ZFYVE9: variants seen among roughly 807,000 people sequenced by gnomAD.
ZFYVE9 encodes zinc finger FYVE domain-containing protein 9.
In ZFYVE9, 43 loss-of-function variants were observed where a neutral mutation model predicts 126.7. That is an observed-to-expected ratio of 0.34 (90% confidence interval 0.27 to 0.44). ZFYVE9 has a LOEUF of 0.44. ZFYVE9 is among the 20% of genes least tolerant of loss of function. The pLI, the probability that ZFYVE9 is intolerant of heterozygous loss-of-function variation, is 1.00. For missense variants in ZFYVE9, 1,476 were observed against 1,697.0 expected (o/e 0.87, Z 2.29); for synonymous variants, 521 against 597.4 (o/e 0.87, Z 1.87).
intron 9 of ZFYVE9, among the ~76,000 whole-genome samples, chr1:52,281,176 AGGCTGGAGTGCAGT>A (rs1286082590): frequency 7.3e-6 from 1 of 137,180 alleles, no homozygotes; most frequent in Admixed American, 8.0e-5. Flanking sequence ...TCTTTCGCCT[AGGCTGGAGTGCAGT>A]GGCTCGATCT....
At chr1:52,180,330 A>G (rs1644685738) in intron 1 of ZFYVE9, 1 of 1,574,082 alleles carries the variant, frequency 6.4e-7, no homozygotes, top group East Asian at 2.2e-5. Flanking sequence ...TCTGCCCATG[A>G]TATTTGTTTA....
chr1:52,268,613 C>T lies in ZFYVE9; in HGVS notation c.2606C>T (p.Thr869Ile), dbSNP rs762620317. The change falls in exon 7 of 19, where the codon ACC (threonine) becomes ATC (isoleucine). Residue 869 changes from threonine (T) to isoleucine (I), a missense_variant. Thr to Ile is a moderately conservative substitution (Grantham distance 89). Around this residue, in one of 2 missense-constraint regions of ZFYVE9, gnomAD observed 669 missense variants for 902.4 expected, o/e 0.74. Coordinates refer to ENST00000287727, the MANE Select transcript of ZFYVE9 (RefSeq NM_004799.4). ...VSHDPVKPVT[T>I]SPLPAETDIC... ...CACGACCCAGTCAAGCCAGTAACTA[C>T]CAGTCCTCTACCAGCAGAGGTAAGA... 1.2e-6 allele frequency: 2 copies of T among 1,614,112 alleles called. No homozygotes were observed. Among genetic ancestry groups the T allele is most frequent in the South Asian group, 1.1e-5 (1 of 91,044 alleles).
At chr1:52,306,351 G>A (rs964770902) in intron 13 of ZFYVE9, among the ~76,000 whole-genome samples, 4 of 152,142 alleles carry the variant, frequency 2.6e-5, no homozygotes, top group African/African-American at 4.8e-5. Context: ...GAGAGGAGCT[G>A]CTCACTCCAG....
intron 1 of ZFYVE9, among the ~76,000 whole-genome samples, chr1:52,156,003 G>A (rs777636955): frequency 1.3e-5 from 2 of 152,128 alleles, no homozygotes; most frequent in African/African-American, 2.4e-5. Flanking sequence ...CAGTATGCTA[G>A]CCACCTCTTG....
chr1:52,293,792 A>T (rs761680443), intron 11 of ZFYVE9, 115 bp downstream of exon 11: 11 of 1,064,116 alleles, frequency 1.0e-5, no homozygotes, highest in Non-Finnish European at 1.5e-5. Flanking sequence ...AAATAGCTAA[A>T]CTAAATTTGG....
At chr1:52,154,334 C>T (rs1644382568) in intron 1 of ZFYVE9, among the ~76,000 whole-genome samples, 2 of 152,176 alleles carry the variant, frequency 1.3e-5, no homozygotes, top group Non-Finnish European at 2.9e-5. Flanking sequence ...TATATGGGGG[C>T]TTGGTGTTGG....
chr1:52,253,510 C>A (rs948773566), intron 4 of ZFYVE9: 4 of 645,964 alleles, frequency 6.2e-6, no homozygotes, highest in Non-Finnish European at 1.1e-5. Context: ...AAAAGCCACA[C>A]GTGGGTCGCT....
chr1:52,284,200 A>C (rs1279831157), intron 10 of ZFYVE9, among the ~76,000 whole-genome samples: 1 of 152,192 alleles, frequency 6.6e-6, no homozygotes, highest in Non-Finnish European at 1.5e-5. Context: ...ATGAAACATG[A>C]AAATGGCAGA....
At chr1:52,145,308 T>C (rs1644296625) in intron 1 of ZFYVE9, among the ~76,000 whole-genome samples, 1 of 152,250 alleles carries the variant, frequency 6.6e-6, no homozygotes, top group African/African-American at 2.4e-5. Flanking sequence ...AAGCTACCAC[T>C]GTTCATTCCA....
At chr1:52,316,257 G>A (rs1209749465) in intron 13 of ZFYVE9, among the ~76,000 whole-genome samples, 4 of 149,332 alleles carry the variant, frequency 2.7e-5, no homozygotes, top group African/African-American at 9.9e-5. Flanking sequence ...AGGCCAAGGC[G>A]GGTGCATCAC....
At chr1:52,229,854 T>G (rs1329910296) in intron 2 of ZFYVE9, among the ~76,000 whole-genome samples, 1 of 151,852 alleles carries the variant, frequency 6.6e-6, no homozygotes, top group Non-Finnish European at 1.5e-5. Context: ...CAGGAAAGAT[T>G]AGGCTCACAG....
At chr1:52,291,885 CAAAAA>C (rs1171027696) in intron 10 of ZFYVE9, among the ~76,000 whole-genome samples, 1 of 58,744 alleles carries the variant, frequency 1.7e-5, no homozygotes. Context: ...GACTCTGTCT[CAAAAA>C]AAAAAAAAAA....
chr1:52,271,478 G>T (rs930230522), intron 7 of ZFYVE9, among the ~76,000 whole-genome samples: 1 of 152,012 alleles, frequency 6.6e-6, no homozygotes, highest in Non-Finnish European at 1.5e-5. Context: ...GAACCTGCAG[G>T]TTTGTTACAT....
At chr1:52,253,048 C>T (rs1340263771) in intron 4 of ZFYVE9, among the ~76,000 whole-genome samples, 2 of 152,168 alleles carry the variant, frequency 1.3e-5, no homozygotes, top group Non-Finnish European at 2.9e-5. Flanking sequence ...TGCCTGTAGT[C>T]CCAGCTACTC....
chr1:52,284,675 T>G (rs969454270), intron 10 of ZFYVE9, among the ~76,000 whole-genome samples: 13 of 152,152 alleles, frequency 8.5e-5, no homozygotes, highest in African/African-American at 2.9e-4. Flanking sequence ...CGCCTCGGCC[T>G]CCGAAAGTGC....
chr1:52,204,313 G>C (rs1644953023), intron 1 of ZFYVE9, among the ~76,000 whole-genome samples: 1 of 152,166 alleles, frequency 6.6e-6, no homozygotes, highest in African/African-American at 2.4e-5. Flanking sequence ...AGAGGGGACA[G>C]GATAGCAAGA....
At chr1:52,336,947 T>TAAAAAAAAAAAAAAAAAAAAAA (rs71041896) in intron 15 of ZFYVE9, among the ~76,000 whole-genome samples, 1 of 107,874 alleles carries the variant, frequency 9.3e-6, no homozygotes, top group African/African-American at 3.6e-5. Flanking sequence ...AGTCATCTCT[T>TAAAAAAAAAAAAAAAAAAAAAA]AAAAAAAAAA....
chr1:52,299,545 A>G (rs1027255701), intron 12 of ZFYVE9, among the ~76,000 whole-genome samples: 1 of 152,138 alleles, frequency 6.6e-6, no homozygotes, highest in Non-Finnish European at 1.5e-5. Flanking sequence ...TTTGTCACAT[A>G]TGGCCTTTAT....
intron 1 of ZFYVE9, among the ~76,000 whole-genome samples, chr1:52,166,469 A>G (rs1489273788): frequency 1.3e-5 from 2 of 152,208 alleles, no homozygotes; most frequent in African/African-American, 4.8e-5. Flanking sequence ...AAATTCAACA[A>G]CCTGGTTAGA....
Sources: allele counts gnomAD v4.1 joint callset (sites outside exome capture counted in the v4.1 genomes callset), GRCh38; gene constraint gnomAD v4.1.1; regional missense constraint gnomAD v4.1.1; transcripts MANE v1.5; gene names NCBI Gene and HGNC (gene_info 2026-07-23, HGNC 2026-07-21).